Variants in EPB41L2 observed in about 807,000 individuals in gnomAD.
EPB41L2 encodes the protein erythrocyte membrane protein band 4.1 like 2.
A neutral mutation model predicts 113.0 loss-of-function variants in EPB41L2; 43 were observed. The ratio of observed to expected loss-of-function variants is 0.38; its 90% CI spans 0.30 to 0.49. The LOEUF (loss-of-function observed/expected upper bound fraction) is 0.49. Ranked by LOEUF, EPB41L2 falls within the 20% of genes least tolerant of loss-of-function variation. EPB41L2 has a pLI of 0.95. For missense variants in EPB41L2, 1,147 were observed against 1,223.4 expected, an observed-to-expected ratio of 0.94 and a Z score of 0.93; for synonymous variants, 442 against 436.7, an observed-to-expected ratio of 1.01 and a Z score of -0.15.
intron 1 of EPB41L2, among the ~76,000 whole-genome samples, chr6:130,974,362 A>G (rs1021997583): frequency 6.6e-6 from 1 of 152,106 alleles, no homozygotes; most frequent in African/African-American, 2.4e-5. Flanking sequence ...CACCCAGTCT[A>G]TGGTATTTTA....
At chr6:131,012,057 T>G (rs900908351) in intron 1 of EPB41L2, among the ~76,000 whole-genome samples, 6 of 151,894 alleles carry the variant, frequency 4.0e-5, no homozygotes, top group African/African-American at 1.5e-4. Flanking sequence ...ATACAAAAAT[T>G]AGCTGGGCGT....
intron 1 of EPB41L2, among the ~76,000 whole-genome samples, chr6:130,957,514 A>G (rs1349051818): frequency 6.6e-6 from 1 of 152,120 alleles, no homozygotes; most frequent in Admixed American, 6.5e-5. Flanking sequence ...GTAAAAACTT[A>G]AGAGACGGAC....
At chr6:130,998,495 T>C (rs528921840) in intron 1 of EPB41L2, among the ~76,000 whole-genome samples, 2 of 152,278 alleles carry the variant, frequency 1.3e-5, no homozygotes, top group East Asian at 3.9e-4. Flanking sequence ...TGATGAGAGT[T>C]AGGATTAATT....
intron 1 of EPB41L2, among the ~76,000 whole-genome samples, chr6:130,978,340 C>A (rs1292063827): frequency 1.3e-5 from 2 of 152,220 alleles, no homozygotes; most frequent in African/African-American, 2.4e-5. Context: ...CTCACTTCAC[C>A]TGTCTCACTA....
chr6:131,020,588 T>C (rs559768182), intron 1 of EPB41L2, among the ~76,000 whole-genome samples: 3 of 152,330 alleles, frequency 2.0e-5, no homozygotes, highest in African/African-American at 7.2e-5. Flanking sequence ...AAAAGACTGA[T>C]GGATTGATTT....
intron 1 of EPB41L2, among the ~76,000 whole-genome samples, chr6:131,059,114 CTTT>C (rs1554361720): frequency 2.3e-5 from 3 of 131,376 alleles, no homozygotes; most frequent in Non-Finnish European, 1.6e-5. Context: ...TTACCTATAA[CTTT>C]TTTTTTTTTT....
At chr6:130,842,839 TAAACTC>T (rs1281446097) in intron 19 of EPB41L2, among the ~76,000 whole-genome samples, 5 of 152,202 alleles carry the variant, frequency 3.3e-5, no homozygotes, top group Non-Finnish European at 7.4e-5. Flanking sequence ...GTTACCCAAA[TAAACTC>T]AAAATGTAAT....
chr6:130,968,276 C>T (rs1332435713), intron 1 of EPB41L2, among the ~76,000 whole-genome samples: 1 of 152,164 alleles, frequency 6.6e-6, no homozygotes, highest in Non-Finnish European at 1.5e-5. Context: ...AAGACAAAAG[C>T]TTGTCAAAGT....
At chr6:131,034,425 T>C (rs781063378) in intron 1 of EPB41L2, among the ~76,000 whole-genome samples, 1 of 152,140 alleles carries the variant, frequency 6.6e-6, no homozygotes, top group African/African-American at 2.4e-5. Flanking sequence ...CTGGGCAGCA[T>C]GGTGAAACCT....
intron 1 of EPB41L2, among the ~76,000 whole-genome samples, chr6:131,029,692 C>A (rs1791671037): frequency 6.6e-6 from 1 of 152,160 alleles, no homozygotes; most frequent in South Asian, 2.1e-4. Context: ...AATACATTTA[C>A]TTCGGAAAAA....
At chr6:131,045,154 C>T (rs1795170090) in intron 1 of EPB41L2, among the ~76,000 whole-genome samples, 2 of 152,058 alleles carry the variant, frequency 1.3e-5, no homozygotes, top group African/African-American at 4.8e-5. Flanking sequence ...ATAGTTTCTC[C>T]TCATCTCAAC....
chr6:131,058,198 CT>C (rs10717820), intron 1 of EPB41L2, among the ~76,000 whole-genome samples: 39,886 of 152,024 alleles, frequency 0.26, 5,442 homozygotes, highest in East Asian at 0.43. Context: ...CAATTGCAAT[CT>C]TTGAAGAAAA....
intron 3 of EPB41L2, among the ~76,000 whole-genome samples, chr6:130,935,175 C>G (rs1275997265): frequency 6.6e-6 from 1 of 152,162 alleles, no homozygotes; most frequent in Non-Finnish European, 1.5e-5. Flanking sequence ...TAGAAAAACA[C>G]ACACTAGACT....
intron 1 of EPB41L2, among the ~76,000 whole-genome samples, chr6:130,974,022 T>C (rs954550): frequency 0.012 from 1,833 of 152,312 alleles, 41 homozygotes; most frequent in African/African-American, 0.042. Context: ...AACACCCCTG[T>C]GTCTCCTGCT....
intron 11 of EPB41L2, among the ~76,000 whole-genome samples, chr6:130,887,189 T>A (rs145110168): frequency 6.6e-6 from 1 of 152,226 alleles, no homozygotes; most frequent in South Asian, 2.1e-4. Context: ...TAAACACTTA[T>A]TAATTTCAGC....
At chr6:130,936,995 G>A (rs780551962) in intron 3 of EPB41L2, among the ~76,000 whole-genome samples, 3 of 152,200 alleles carry the variant, frequency 2.0e-5, no homozygotes, top group East Asian at 1.9e-4. Context: ...TTTTAGGTTC[G>A]CAGCAAAATT....
chr6:130,964,987 C>T (rs1246075259), intron 1 of EPB41L2, among the ~76,000 whole-genome samples: 2 of 152,090 alleles, frequency 1.3e-5, no homozygotes, highest in African/African-American at 4.8e-5. Context: ...GCATGATGCC[C>T]GACAGTTAAT....
chr6:130,917,597 T>C (rs1441212483), intron 4 of EPB41L2, among the ~76,000 whole-genome samples: 1 of 152,128 alleles, frequency 6.6e-6, no homozygotes, highest in African/African-American at 2.4e-5. Flanking sequence ...CCCTGCTCCT[T>C]GACTATAAAT....
intron 1 of EPB41L2, among the ~76,000 whole-genome samples, chr6:130,967,485 T>C (rs1486324629): frequency 6.6e-6 from 1 of 152,154 alleles, no homozygotes; most frequent in Admixed American, 6.5e-5. Context: ...AAAAAGATTA[T>C]TCGTATTCTC....
Sources: allele counts gnomAD v4.1 joint callset (sites outside exome capture counted in the v4.1 genomes callset), GRCh38; gene constraint gnomAD v4.1.1; transcripts MANE v1.5; gene names NCBI Gene and HGNC (gene_info 2026-07-23, HGNC 2026-07-21).